Variants in SYN3 observed in about 807,000 individuals in gnomAD.
SYN3 encodes the protein synapsin-3.
Under a neutral mutation model 65.8 loss-of-function variants are expected in SYN3, and 35 were observed. The ratio of observed to expected loss-of-function variants is 0.53; its 90% confidence interval spans 0.41 to 0.70. The LOEUF is 0.70. Ranked by LOEUF, SYN3 falls within the 30% of genes least tolerant of loss-of-function variation. SYN3 has a pLI of 0.00. For missense variants in SYN3, 680 were observed against 749.0 expected, an observed-to-expected ratio of 0.91 and a Z score of 1.08; for synonymous variants, 270 against 292.9, an observed-to-expected ratio of 0.92 and a Z score of 0.80.
chr22:32,812,436 C>G (rs570453051), intron 6 of SYN3, among the ~76,000 whole-genome samples: 282 of 152,256 alleles, frequency 1.9e-3, no homozygotes, highest in African/African-American at 4.7e-3. Context: ...CAGACAGCAA[C>G]CTTGCAGACT....
rs930237399 is a variant in SYN3, at chr22:32,691,866, C to T, written c.712-95130G>A. ...GACACCTGTAGGCCCTCACCACATT[C>T]TCTGAAAACTGTCTGTCACCTCCAT... On this transcript the variant is annotated intron_variant, in intron 6 of 13. Coordinates refer to ENST00000358763, the MANE Select transcript of SYN3 (RefSeq NM_003490.4). 5.3e-5 allele frequency among the ~76,000 whole-genome samples: 8 copies of T among 152,048 alleles called. No individual in the cohort carries two copies. The East Asian group carries it at 1.6e-3, about 30-fold the overall frequency.
rs942709651 is a variant in SYN3, at chr22:32,714,509, C to T, written c.712-117773G>A. 2.0e-5 allele frequency among the ~76,000 whole-genome samples: 3 copies of T among 151,942 alleles called. No homozygotes were observed. The East Asian group carries it at 5.8e-4, about 29-fold the overall frequency. On this transcript the variant is annotated intron_variant, in intron 6 of 13. Transcript: ENST00000358763. ...CAGAAGTCTGGCATATTCTGGAATGCCAGCCCATAGCAGATGACAAGACTG... is the reference window on the plus strand; with the variant it reads ...CAGAAGTCTGGCATATTCTGGAATGTCAGCCCATAGCAGATGACAAGACTG...
At chr22:33,053,106 C>T (rs1029905727) in intron 1 of SYN3, among the ~76,000 whole-genome samples, 2 of 152,122 alleles carry the variant, frequency 1.3e-5, no homozygotes, top group Non-Finnish European at 2.9e-5. Flanking sequence ...CTCCATATCC[C>T]AAGTATAAAA....
intron 2 of SYN3, among the ~76,000 whole-genome samples, chr22:32,989,900 C>T (rs1471787956): frequency 6.7e-6 from 1 of 150,080 alleles, no homozygotes; most frequent in Non-Finnish European, 1.5e-5. Context: ...TCTAAAGACA[C>T]AGCACTATGT....
intron 6 of SYN3, among the ~76,000 whole-genome samples, chr22:32,838,903 G>A (rs1001172919): frequency 1.3e-5 from 2 of 151,706 alleles, no homozygotes; most frequent in African/African-American, 2.4e-5. Context: ...GGTAATTAGC[G>A]ATGCTAGTGA....
chr22:32,981,010 A>G (rs1413616471), intron 2 of SYN3, among the ~76,000 whole-genome samples: 1 of 151,694 alleles, frequency 6.6e-6, no homozygotes, highest in East Asian at 2.0e-4. Flanking sequence ...GCCTGCCATC[A>G]CATCCGGCTA....
intron 6 of SYN3, among the ~76,000 whole-genome samples, chr22:32,650,254 CCTCCCT>C (rs1199676453): frequency 7.0e-5 from 7 of 100,454 alleles, no homozygotes; most frequent in African/African-American, 3.7e-4. Flanking sequence ...TCCCTCCCTC[CCTCCCT>C]CTCTCTCTCT....
intron 1 of SYN3, chr22:33,015,233 A>AG (rs2053442457): frequency 2.3e-6 from 1 of 438,188 alleles, no homozygotes; most frequent in Non-Finnish European, 3.5e-6. Context: ...AAAAAAAAAA[A>AG]AAAAAAAAAC....
chr22:32,766,224 T>C (rs930012085), intron 6 of SYN3, among the ~76,000 whole-genome samples: 4 of 152,232 alleles, frequency 2.6e-5, no homozygotes, highest in African/African-American at 9.6e-5. Flanking sequence ...GGGTATGTGC[T>C]GAGCACCTTT....
chr22:32,889,647 T>C (rs1365473486), intron 4 of SYN3, among the ~76,000 whole-genome samples: 7 of 152,158 alleles, frequency 4.6e-5, no homozygotes, highest in African/African-American at 1.7e-4. Context: ...GAATTATACA[T>C]ATATGCCATT....
chr22:32,839,530 C>T (rs242072), intron 6 of SYN3, among the ~76,000 whole-genome samples: 72,515 of 151,930 alleles, frequency 0.48, 17,843 homozygotes, highest in Admixed American at 0.59. Flanking sequence ...CCAGGTAAGT[C>T]GGCCCTGAAT....
Position 33,035,336 on chromosome 22 carries a change from C to G in SYN3, c.-163+22956G>C, listed in dbSNP as rs1002971003. Among the ~76,000 whole-genome samples, 6 of 79,450 alleles carry G rather than the reference C, an allele frequency of 7.6e-5. 1 individual carries two copies. Among genetic ancestry groups the G allele is most frequent in the African/African-American group, 1.7e-4 (4 of 23,624 alleles). 52.1% of individuals were successfully genotyped at this position (79,450 alleles called of 152,430 possible). A position where few individuals can be genotyped will look rare whatever the true frequency, so the allele number is the denominator to read the frequency against. ...AAAAATTAAAAATCTCGGGACCCCC[C>G]CCCCCCCCGCCACCAAACTTCTTAT... is the stretch of plus-strand genomic sequence containing the variant. On this transcript the variant is annotated intron_variant, in intron 1 of 13. Transcript: ENST00000358763.
chr22:32,942,914 C>T (rs111990682), intron 3 of SYN3, among the ~76,000 whole-genome samples: 11 of 152,150 alleles, frequency 7.2e-5, no homozygotes, highest in South Asian at 4.2e-4. Flanking sequence ...TAAAAAGAAA[C>T]GAACAAAGCC....
At chr22:32,759,523 A>T (rs2045391482) in intron 6 of SYN3, among the ~76,000 whole-genome samples, 1 of 152,086 alleles carries the variant, frequency 6.6e-6, no homozygotes, top group Admixed American at 6.5e-5. Flanking sequence ...TTGGAATGTA[A>T]TTTCTTCCAA....
chr22:32,567,676 A>C (rs2058692915), intron 7 of SYN3, among the ~76,000 whole-genome samples: 1 of 152,122 alleles, frequency 6.6e-6, no homozygotes, highest in South Asian at 2.1e-4. Flanking sequence ...ACCAATCTTG[A>C]AGTCATGGAA....
chr22:32,622,427 T>G (rs927378743), intron 6 of SYN3, among the ~76,000 whole-genome samples: 2 of 152,144 alleles, frequency 1.3e-5, no homozygotes. Flanking sequence ...TCCTGCCTCA[T>G]TTCCATGGAG....
At chr22:32,909,898 A>G (rs540338526) in intron 4 of SYN3, among the ~76,000 whole-genome samples, 2 of 152,248 alleles carry the variant, frequency 1.3e-5, no homozygotes, top group East Asian at 3.9e-4. Context: ...CAGCATTTGC[A>G]TGAAGAGTGT....
At chr22:32,521,724 G>A (rs1404733684) in intron 12 of SYN3, among the ~76,000 whole-genome samples, 1 of 152,184 alleles carries the variant, frequency 6.6e-6, no homozygotes, top group African/African-American at 2.4e-5. Context: ...GGGATTACAG[G>A]TGTGAGTCAC....
At chr22:32,800,704 A>G (rs2145922777) in intron 6 of SYN3, among the ~76,000 whole-genome samples, 1 of 152,282 alleles carries the variant, frequency 6.6e-6, no homozygotes, top group African/African-American at 2.4e-5. Context: ...TGAAGGGTGG[A>G]GCTCTGTCAG....
Sources: allele counts gnomAD v4.1 joint callset (sites outside exome capture counted in the v4.1 genomes callset), GRCh38; gene constraint gnomAD v4.1.1; transcripts MANE v1.5; gene names NCBI Gene and HGNC (gene_info 2026-07-23, HGNC 2026-07-21).